The following SPTBN4 variants were observed in gnomAD, a reference collection of about 807,000 sequenced individuals.
SPTBN4 encodes spectrin beta, non-erythrocytic 4, also known as spectrin beta chain, non-erythrocytic 4.
In SPTBN4, 96 loss-of-function variants were observed where a neutral mutation model predicts 277.8. The observed-to-expected ratio is 0.35, with a 90% CI of 0.29 to 0.41. SPTBN4 has a LOEUF of 0.41. SPTBN4 is among the 10% of genes least tolerant of loss of function. The pLI is 1.00. For synonymous variants in SPTBN4, 1,481 were observed against 1,580.3 expected (o/e 0.94, Z 1.49); for missense variants, 3,006 against 3,595.7 (o/e 0.84, Z 4.19).
intron 2 of SPTBN4, among the ~76,000 whole-genome samples, chr19:40,481,124 G>A (rs954504679): frequency 1.2e-4 from 19 of 152,286 alleles, no homozygotes; most frequent in Non-Finnish European, 2.8e-4. Context: ...CACATATTTG[G>A]TGGACATATG....
chr19:40,525,910 T>G (rs2080585462), intron 17 of SPTBN4, among the ~76,000 whole-genome samples: 1 of 152,132 alleles, frequency 6.6e-6, no homozygotes, highest in Non-Finnish European at 1.5e-5. Flanking sequence ...GACGGACTAA[T>G]CTCTGCACCT....
At chr19:40,516,568 A>T (rs1431267282) in intron 15 of SPTBN4, among the ~76,000 whole-genome samples, 2 of 152,164 alleles carry the variant, frequency 1.3e-5, no homozygotes, top group African/African-American at 4.8e-5. Flanking sequence ...TCACACCTGT[A>T]ATCCCAGCAC....
intron 2 of SPTBN4, among the ~76,000 whole-genome samples, chr19:40,483,304 C>T (rs2080033314): frequency 6.6e-6 from 1 of 152,114 alleles, no homozygotes; most frequent in African/African-American, 2.4e-5. Flanking sequence ...TGGGCATCAT[C>T]TGTTAGAAGG....
chr19:40,477,045 T>C (rs1599709485), intron 2 of SPTBN4, among the ~76,000 whole-genome samples: 1 of 149,128 alleles, frequency 6.7e-6, no homozygotes, highest in East Asian at 2.0e-4. Flanking sequence ...TTATTATTAT[T>C]ATTATCATTA....
Position 40,568,180 on chromosome 19 carries a change from G to C in SPTBN4, c.6854G>C (p.Arg2285Pro), listed in dbSNP as rs540578822. 6.3e-7 allele frequency: 1 copy of C among 1,590,678 alleles called. No individual in the cohort carries two copies. Among genetic ancestry groups the C allele is most frequent in the African/African-American group, 1.3e-5 (1 of 74,542 alleles). ...GCGGCACACAGCCTTACCCTGGGCC[G>C]CTATGAGCAGATGGAGCGGCGGCGC... ...HEAAHSLTLG[R>P]YEQMERRRER... The change falls in exon 31 of 36, where the codon CGC becomes CCC. Residue 2285 changes from arginine (R) to proline (P), a missense_variant. By Grantham distance (103) the Arg-to-Pro change is moderately radical. Around this residue, in one of 5 missense-constraint regions of SPTBN4, gnomAD observed 630 missense variants for 677.6 expected, o/e 0.93. Transcript: ENST00000598249.
rs1237368416 is a variant in SPTBN4 at position 40,568,092 on chromosome 19, G to C, written c.6766G>C (p.Asp2256His). The change falls in exon 31 of 36, where the codon GAT (aspartate) becomes CAT (histidine). Residue 2256 changes from aspartate (D) to histidine (H), a missense_variant. Coordinates refer to ENST00000598249, the MANE Select transcript of SPTBN4 (RefSeq NM_020971.3). ...RRRPERQESV[D>H]QSEEAARRRR... Reference sequence around the variant, plus strand: ...GCGGCCTGAGCGGCAAGAGTCAGTCGATCAATCCGAGGAGGCTGCGCGGAG... The same window carrying C: ...GCGGCCTGAGCGGCAAGAGTCAGTCCATCAATCCGAGGAGGCTGCGCGGAG... 3.8e-6 allele frequency: 6 copies of C among 1,565,808 alleles called. No homozygotes were observed. The highest frequency in any genetic ancestry group is 2.7e-5 in the African/African-American group (2 of 73,876).
chr19:40,507,143 G>T (rs1460881347), intron 13 of SPTBN4, among the ~76,000 whole-genome samples: 4 of 151,850 alleles, frequency 2.6e-5, no homozygotes, highest in Non-Finnish European at 5.9e-5. Context: ...GCGAAACCCC[G>T]TCTCTACCAA....
In SPTBN4 at chr19:40,532,728, C is replaced by T. The variant is rs1307332244; in HGVS notation, c.4052C>T (p.Ala1351Val). Residue 1351 changes from alanine to valine, a missense_variant, in exon 19 of 36, where the codon GCC becomes GTC. Coordinates refer to ENST00000598249, the MANE Select transcript of SPTBN4 (RefSeq NM_020971.3). Reference protein sequence around the residue: ...KRWLRHQAFMAELAQNKEWLE... With the variant: ...KRWLRHQAFMVELAQNKEWLE... ...TGGCTCCGGCACCAGGCATTCATGG[C>T]CGAGCTGGCTCAGAATAAGGAGTGG... 8.1e-6 allele frequency: 13 copies of T among 1,613,412 alleles called. No individual in the cohort carries two copies. Among genetic ancestry groups the T allele is most frequent in the Non-Finnish European group, 1.1e-5 (13 of 1,179,594 alleles).
At chr19:40,528,965 G>C (rs1233001019) in intron 17 of SPTBN4, 76 bp from the exon 18 acceptor site, 2 of 1,095,316 alleles carry the variant, frequency 1.8e-6, no homozygotes, top group East Asian at 4.7e-5. Flanking sequence ...CCAGCCCAGT[G>C]CCCTCACAGT....
At chr19:40,575,355 A>G in intron 35 of SPTBN4, 56 bp from the exon 36 acceptor site, 1 of 1,564,628 alleles carries the variant, frequency 6.4e-7, no homozygotes, top group Non-Finnish European at 8.7e-7. Context: ...AAATTCACCT[A>G]TTATTCCAGC....
chr19:40,544,194 G>A (rs2080831860), intron 20 of SPTBN4, among the ~76,000 whole-genome samples: 1 of 150,280 alleles, frequency 6.7e-6, no homozygotes, highest in Non-Finnish European at 1.5e-5. Flanking sequence ...CAAAGCCGGA[G>A]CGCAATGGCG....
intron 33 of SPTBN4, among the ~76,000 whole-genome samples, 155 bp downstream of exon 33, chr19:40,570,883 T>G (rs1023736523): frequency 7.7e-6 from 1 of 129,772 alleles, no homozygotes; most frequent in Non-Finnish European, 1.6e-5. Flanking sequence ...GGTGGTGGCT[T>G]AAATCAAGAA....
At chr19:40,495,088 A>T in intron 6 of SPTBN4, 111 bp downstream of exon 6, 1 of 976,086 alleles carries the variant, frequency 1.0e-6, no homozygotes, top group Non-Finnish European at 1.6e-6. Flanking sequence ...ATAAAGACCC[A>T]TCCCTTCACC....
intron 17 of SPTBN4, among the ~76,000 whole-genome samples, chr19:40,527,750 T>C (rs1287171596): frequency 2.0e-5 from 3 of 151,882 alleles, no homozygotes; most frequent in Non-Finnish European, 2.9e-5. Context: ...GTGTGGGGCC[T>C]GGTAGGTCAG....
intron 7 of SPTBN4, 65 bp from the exon 8 acceptor site, chr19:40,501,856 C>T (rs2145846301): frequency 9.4e-6 from 13 of 1,383,866 alleles, no homozygotes; most frequent in Non-Finnish European, 1.3e-5. Context: ...TCCCTCCATC[C>T]AATACCTTCA....
rs1193158476 is a variant in SPTBN4, at chr19:40,497,534, C to G, written c.714C>G (p.Asn238Lys). The G allele has an allele frequency of 6.2e-7, 1 of 1,614,194 alleles. No individual in the cohort carries two copies. The highest frequency in any genetic ancestry group is 1.7e-5 in the Admixed American group (1 of 60,028). Reference protein sequence around the residue: ...DFSKLTKSNANYNLQRAFRTA... With the variant: ...DFSKLTKSNAKYNLQRAFRTA... Reference sequence around the variant, plus strand: ...GCAAACTCACCAAGTCCAATGCCAACTACAACCTGCAGAGAGCCTTCCGCA... The same window carrying G: ...GCAAACTCACCAAGTCCAATGCCAAGTACAACCTGCAGAGAGCCTTCCGCA... The change falls in exon 7 of 36, where the codon AAC becomes AAG. Residue 238 changes from asparagine to lysine, a missense_variant. This residue lies in a region of SPTBN4 where 1,759 missense variants were observed against 2,061.5 expected (regional missense o/e 0.85). Coordinates refer to ENST00000598249, the MANE Select transcript of SPTBN4 (RefSeq NM_020971.3).
Position 40,567,728 on chromosome 19 carries a change from TG to T in SPTBN4, c.6406del (p.Asp2136ThrfsTer308). On this transcript the variant is annotated frameshift_variant, in exon 31 of 36. Coordinates refer to ENST00000598249, the MANE Select transcript of SPTBN4 (RefSeq NM_020971.3). LOFTEE classifies it high-confidence loss of function. ...CCCCACTGCTGGGGCGCAAGTTCTT[TG>T]GGGACCCCACGGAACTGGCGGCCAA... ...PTPLLGRKFF[G>X]DPTELAAKAA... 1.9e-6 allele frequency: 3 copies of T among 1,558,878 alleles called. No individual in the cohort carries two copies. The highest frequency in any genetic ancestry group is 1.4e-5 in the African/African-American group (1 of 71,326).
chr19:40,567,535 C>T, intron 30 of SPTBN4, 128 bp from the exon 31 acceptor site: 1 of 940,680 alleles, frequency 1.1e-6, no homozygotes, highest in Non-Finnish European at 1.5e-6. Context: ...GGCCTGGACA[C>T]CTTGCTTTTT....
chr19:40,553,488 G>A (rs142540130), intron 22 of SPTBN4, among the ~76,000 whole-genome samples: 1 of 152,092 alleles, frequency 6.6e-6, no homozygotes, highest in Non-Finnish European at 1.5e-5. Flanking sequence ...GAGAGGACTT[G>A]CTGGCTGTTA....
Sources: gnomAD v4.1 joint callset for allele counts (sites outside exome capture counted in the v4.1 genomes callset) on GRCh38, gnomAD v4.1.1 for gene constraint, gnomAD v4.1.1 regional missense constraint, MANE v1.5 for transcripts, NCBI Gene and HGNC (gene_info 2026-07-23, HGNC 2026-07-21) for gene names.